The following PPP3CA variants were observed in gnomAD, a reference collection of about 807,000 sequenced individuals.
The protein encoded by PPP3CA is protein phosphatase 3 catalytic subunit alpha.
A neutral mutation model predicts 66.5 loss-of-function variants in PPP3CA; 14 were observed. The ratio of observed to expected loss-of-function variants is 0.21; its 90% CI spans 0.14 to 0.33. PPP3CA has a LOEUF of 0.33. Among genes scored for constraint, PPP3CA ranks in the 10% least tolerant of loss-of-function variants. The probability of loss-of-function intolerance (pLI) is 1.00; values close to 1 mark genes in which losing one functional copy is unlikely to be tolerated. For missense variants in PPP3CA, 317 were observed against 639.5 expected (o/e 0.50, Z 5.44); for synonymous variants, 232 against 226.2 (o/e 1.03, Z -0.23).
intron 2 of PPP3CA, among the ~76,000 whole-genome samples, chr4:101,155,736 T>G (rs1308620027): frequency 2.0e-5 from 3 of 152,242 alleles, no homozygotes; most frequent in Non-Finnish European, 4.4e-5. Flanking sequence ...ACTAACTACA[T>G]GCCTCATTAC....
At chr4:101,121,402 A>C (rs2110273458) in intron 2 of PPP3CA, among the ~76,000 whole-genome samples, 1 of 152,252 alleles carries the variant, frequency 6.6e-6, no homozygotes, top group South Asian at 2.1e-4. Flanking sequence ...TATTTAAACA[A>C]AAATTTTAGA....
chr4:101,254,593 A>T (rs1726780783), intron 1 of PPP3CA, among the ~76,000 whole-genome samples: 1 of 151,954 alleles, frequency 6.6e-6, no homozygotes, highest in Non-Finnish European at 1.5e-5. Flanking sequence ...ATACCCACAC[A>T]TCATTTCAAT....
At chr4:101,244,531 C>A (rs934336521) in intron 1 of PPP3CA, among the ~76,000 whole-genome samples, 17 of 152,124 alleles carry the variant, frequency 1.1e-4, no homozygotes, top group African/African-American at 4.1e-4. Context: ...AATTTCCTCA[C>A]CATAGTGCTA....
At chr4:101,294,660 A>G (rs1375542986) in intron 1 of PPP3CA, among the ~76,000 whole-genome samples, 2 of 152,154 alleles carry the variant, frequency 1.3e-5, no homozygotes, top group Non-Finnish European at 2.9e-5. Flanking sequence ...GGTTCCTTCC[A>G]TCTGGGGCAG....
rs141302609 is a variant in PPP3CA, at chr4:101,174,746, T to C, written c.259+21170A>G. ...GCTCAGTTGGCCAAGAATAGTGAGA[T>C]AGGGAAAGGGAACAAAGCCTGCGGT... On this transcript the variant is annotated intron_variant, in intron 2 of 13. Transcript: ENST00000394854. Among the ~76,000 whole-genome samples the C allele has an allele frequency of 6.6e-3, 1,005 of 152,094 alleles. 8 individuals are homozygous for C. The highest frequency in any genetic ancestry group is 0.023 in the African/African-American group (974 of 41,496).
In PPP3CA at chr4:101,025,847, A is replaced by AG; in HGVS notation, c.*17_*18insC. ...AAAAAAAAAAAAAAAAAAAAAAAAA[A>AG]AAGTGAACAGGAAGTGGTCACTGAA... On this transcript the variant is annotated 3_prime_UTR_variant, in exon 14 of 14. Transcript: ENST00000394854. 2 of 1,397,126 alleles carry AG rather than the reference A, an allele frequency of 1.4e-6. No homozygotes were observed. The highest frequency in any genetic ancestry group is 1.6e-5 in the South Asian group (1 of 62,492). 86.5% of individuals were successfully genotyped at this position (1,397,126 alleles called of 1,614,324 possible).
At chr4:101,077,855 G>C (rs1433933395) in intron 8 of PPP3CA, among the ~76,000 whole-genome samples, 2 of 143,328 alleles carry the variant, frequency 1.4e-5, no homozygotes, top group Admixed American at 7.0e-5. Flanking sequence ...TTCCAAACTT[G>C]TTAAATCAGA....
chr4:101,344,323 ATAAC>A (rs899758353), intron 1 of PPP3CA, among the ~76,000 whole-genome samples: 2 of 152,190 alleles, frequency 1.3e-5, no homozygotes, highest in African/African-American at 4.8e-5. Context: ...ATTATCTCAA[ATAAC>A]TAATAATAAA....
At chr4:101,229,380 G>A (rs900434124) in intron 1 of PPP3CA, among the ~76,000 whole-genome samples, 6 of 151,556 alleles carry the variant, frequency 4.0e-5, no homozygotes, top group Admixed American at 3.3e-4. Flanking sequence ...CAAGGTTCTG[G>A]ATGCTGCTGA....
chr4:101,216,121 A>C (rs535393216), intron 1 of PPP3CA, among the ~76,000 whole-genome samples: 1 of 152,204 alleles, frequency 6.6e-6, no homozygotes, highest in African/African-American at 2.4e-5. Flanking sequence ...TTTGAGATGA[A>C]TTTTTTTGGC....
At chr4:101,168,554 G>A (rs1723767667) in intron 2 of PPP3CA, among the ~76,000 whole-genome samples, 1 of 152,136 alleles carries the variant, frequency 6.6e-6, no homozygotes, top group African/African-American at 2.4e-5. Flanking sequence ...CACTCTAAGA[G>A]GGAGAAGAAC....
intron 1 of PPP3CA, among the ~76,000 whole-genome samples, chr4:101,205,468 T>C (rs528374570): frequency 1.3e-5 from 2 of 152,300 alleles, no homozygotes; most frequent in East Asian, 3.9e-4. Context: ...CGACAGAAGT[T>C]CTTTAATCAC....
chr4:101,213,676 A>G (rs1725373214), intron 1 of PPP3CA, among the ~76,000 whole-genome samples: 1 of 152,154 alleles, frequency 6.6e-6, no homozygotes, highest in Non-Finnish European at 1.5e-5. Flanking sequence ...CCTATGTAAT[A>G]GGTATCACAG....
intron 2 of PPP3CA, among the ~76,000 whole-genome samples, chr4:101,143,453 C>T (rs548264679): frequency 2.6e-4 from 40 of 152,292 alleles, no homozygotes; most frequent in African/African-American, 9.4e-4. Flanking sequence ...ACCTGAAAGA[C>T]TAGTCCACCC....
intron 1 of PPP3CA, among the ~76,000 whole-genome samples, chr4:101,248,093 G>A (rs1358533750): frequency 2.0e-5 from 3 of 152,160 alleles, no homozygotes; most frequent in African/African-American, 7.2e-5. Context: ...TTCTAGTCTG[G>A]CCACTATCTG....
chr4:101,318,465 A>G (rs1408603842), intron 1 of PPP3CA, among the ~76,000 whole-genome samples: 1 of 152,226 alleles, frequency 6.6e-6, no homozygotes, highest in Non-Finnish European at 1.5e-5. Flanking sequence ...TGATGTGCTT[A>G]GATTTCAGCC....
intron 4 of PPP3CA, among the ~76,000 whole-genome samples, chr4:101,099,134 G>T (rs1560600946): frequency 6.6e-6 from 1 of 152,092 alleles, no homozygotes; most frequent in Non-Finnish European, 1.5e-5. Context: ...AAGAAAAATT[G>T]TAAGGAGGAA....
intron 3 of PPP3CA, among the ~76,000 whole-genome samples, chr4:101,101,009 A>G (rs1730415609): frequency 6.6e-6 from 1 of 152,142 alleles, no homozygotes; most frequent in African/African-American, 2.4e-5. Flanking sequence ...ATCAGAACAA[A>G]TGTTTATTAT....
chr4:101,108,594 C>T (rs1721527215), intron 3 of PPP3CA, among the ~76,000 whole-genome samples: 2 of 152,016 alleles, frequency 1.3e-5, no homozygotes, highest in African/African-American at 2.4e-5. Flanking sequence ...GGTGAAACTC[C>T]ATCTCTACTA....
Sources: allele counts gnomAD v4.1 joint callset (sites outside exome capture counted in the v4.1 genomes callset), GRCh38; gene constraint gnomAD v4.1.1; transcripts MANE v1.5; gene names NCBI Gene and HGNC (gene_info 2026-07-23, HGNC 2026-07-21).